The following ITPRID1 variants were observed in gnomAD, a reference collection of about 807,000 sequenced individuals.
The protein encoded by ITPRID1 is ITPR interacting domain containing 1.
A neutral mutation model predicts 95.4 loss-of-function variants in ITPRID1; 96 were observed. The observed-to-expected ratio is 1.01, with a 90% CI of 0.85 to 1.19. ITPRID1 has a LOEUF of 1.19. ITPRID1 is among the 50% of genes most tolerant of loss of function. ITPRID1 has a pLI of 0.00. For missense variants in ITPRID1, 1,339 were observed against 1,252.9 expected (o/e 1.07, Z -1.04); for synonymous variants, 510 against 453.6 (o/e 1.12, Z -1.58).
chr7:31,519,641 T>TATATATATAA (rs1783177014), intron 1 of ITPRID1, among the ~76,000 whole-genome samples: 1 of 133,520 alleles, frequency 7.5e-6, no homozygotes, highest in African/African-American at 2.8e-5. Flanking sequence ...TATATATATA[T>TATATATATAA]ATATAAATCT....
intron 10 of ITPRID1, among the ~76,000 whole-genome samples, chr7:31,609,191 T>C (rs748783995): frequency 3.3e-5 from 5 of 151,686 alleles, no homozygotes; most frequent in African/African-American, 4.8e-5. Context: ...TCATGGCATA[T>C]AATCCATTTT....
At chr7:31,565,643 C>T (rs569483146) in intron 5 of ITPRID1, among the ~76,000 whole-genome samples, 1 of 152,268 alleles carries the variant, frequency 6.6e-6, no homozygotes, top group East Asian at 1.9e-4. Context: ...GAGGCTGATG[C>T]AGGAGAATCA....
At position 31,550,832 on chromosome 7, in the gene ITPRID1, T is replaced by C. The variant is rs1250974711; in HGVS notation, c.-24+1333T>C. On this transcript the variant is annotated intron_variant, in intron 2 of 14. Transcript: ENST00000615280. ...CTGAGGTCAAGTATGCCATTCATTA[T>C]AAGATGGAAGTTTGGGGACGTACAA... 9.8e-5 allele frequency among the ~76,000 whole-genome samples: 14 copies of C among 143,062 alleles called. 1 individual carries two copies. The highest frequency in any genetic ancestry group is 3.4e-4 in the African/African-American group (14 of 40,668). The allele number at this position is 143,062 out of a possible 152,430, so 93.9% of individuals were successfully genotyped here.
intron 1 of ITPRID1, among the ~76,000 whole-genome samples, chr7:31,534,562 A>T (rs745422543): frequency 6.6e-6 from 1 of 151,934 alleles, no homozygotes; most frequent in Non-Finnish European, 1.5e-5. Flanking sequence ...ATCTTGTATT[A>T]TTGTAGCTAT....
Position 31,578,034 on chromosome 7 carries a change from T to G in ITPRID1, c.770T>G (p.Leu257Ter). ...CATCGAAGAAGAATGGGTAAACTCT[T>G]AAGGAGAGCTTCCAAACAGAACATC... Reference protein sequence around the residue: ...KEHRRRMGKLLRRASKQNIRR... With the variant: ...KEHRRRMGKL Residue 257 changes from leucine to a stop codon, truncating the protein, a stop_gained, in exon 9 of 15, where the codon TTA (leucine) becomes TGA (stop). Coordinates refer to ENST00000615280, the MANE Select transcript of ITPRID1 (RefSeq NM_001257967.3). LOFTEE classifies it high-confidence loss of function. 1.9e-6 allele frequency: 3 copies of G among 1,613,812 alleles called. No individual in the cohort carries two copies. Among genetic ancestry groups the G allele is most frequent in the Non-Finnish European group, 2.5e-6 (3 of 1,179,838 alleles).
In ITPRID1 at chr7:31,568,695, C is replaced by G. The variant is rs182721008; in HGVS notation, c.257-1063C>G. On this transcript the variant is annotated intron_variant, in intron 5 of 14. Coordinates refer to ENST00000615280, the MANE Select transcript of ITPRID1 (RefSeq NM_001257967.3). ...ATAACCAATATTTATTTCCTCTATT[C>G]TGTCTTCAGCACCGCTATCAGGCAA... Among the ~76,000 whole-genome samples, 540 of 152,310 alleles carry G rather than the reference C, an allele frequency of 3.5e-3. 1 individual carries two copies. The highest frequency in any genetic ancestry group is 0.012 in the African/African-American group (507 of 41,576).
intron 1 of ITPRID1, among the ~76,000 whole-genome samples, chr7:31,531,032 G>A (rs1783581063): frequency 6.6e-6 from 1 of 152,198 alleles, no homozygotes; most frequent in Non-Finnish European, 1.5e-5. Context: ...GTAGGTCTGG[G>A]AAAACTCCAG....
In ITPRID1 at chr7:31,602,965, G is replaced by C. The variant is rs7797726; in HGVS notation, c.1228+19774G>C. On this transcript the variant is annotated intron_variant, in intron 10 of 14. Transcript: ENST00000615280. The stretch of plus-strand genomic sequence containing the variant: ...TAGGAGCTCTGTCAAGCACAAACCT[G>C]TTTCTTCCATATATCACCCCCTCAT... Among the ~76,000 whole-genome samples, 225 of 142,866 alleles carry C rather than the reference G, an allele frequency of 1.6e-3. 1 individual carries two copies. Among genetic ancestry groups the C allele is most frequent in the African/African-American group, 5.5e-3 (209 of 37,912 alleles). The allele number at this position is 142,866 out of a possible 152,430, so 93.7% of individuals were successfully genotyped here. A position where few individuals can be genotyped will look rare whatever the true frequency, so the allele number is the denominator to read the frequency against.
rs114046139 is a variant in ITPRID1 at position 31,522,208 on chromosome 7, C to T, written c.-98+8088C>T. On this transcript the variant is annotated intron_variant, in intron 1 of 14. Transcript: ENST00000615280. ...GATCCAGCCAATGGGTCTGACTCTA[C>T]CTATGTTTCTTCCACAGACCCACGA... Among the ~76,000 whole-genome samples the T allele has an allele frequency of 2.6e-3, 396 of 152,244 alleles. 1 individual carries two copies. Among genetic ancestry groups the T allele is most frequent in the African/African-American group, 8.9e-3 (368 of 41,538 alleles).
chr7:31,602,886 C>G (rs1334080275), intron 10 of ITPRID1, among the ~76,000 whole-genome samples: 1 of 151,520 alleles, frequency 6.6e-6, no homozygotes, highest in Non-Finnish European at 1.5e-5. Context: ...CTCCCCACCC[C>G]CTCCCCTTTA....
chr7:31,539,463 A>G (rs1487547395), intron 1 of ITPRID1, among the ~76,000 whole-genome samples: 1 of 152,190 alleles, frequency 6.6e-6, no homozygotes, highest in African/African-American at 2.4e-5. Flanking sequence ...TACAGATGTG[A>G]GGCACTGCAC....
chr7:31,658,615 C>T (rs549440492), downstream of ITPRID1: 23 of 273,344 alleles, frequency 8.4e-5, no homozygotes, highest in Non-Finnish European at 1.3e-4. Flanking sequence ...TTATTAAAAG[C>T]CTTGTTAAAT....
intron 10 of ITPRID1, among the ~76,000 whole-genome samples, chr7:31,594,974 T>C (rs1044216625): frequency 6.6e-6 from 1 of 151,674 alleles, no homozygotes; most frequent in Admixed American, 6.6e-5. Context: ...ATGTACTCAA[T>C]AGAAAAATAT....
intron 10 of ITPRID1, among the ~76,000 whole-genome samples, chr7:31,604,864 G>A (rs1003713175): frequency 2.6e-5 from 4 of 152,136 alleles, no homozygotes; most frequent in African/African-American, 9.7e-5. Context: ...AGCCAGGCAG[G>A]GTGCCTCATG....
intron 13 of ITPRID1, among the ~76,000 whole-genome samples, chr7:31,651,565 T>A (rs1319003072): frequency 6.6e-6 from 1 of 152,090 alleles, no homozygotes; most frequent in Non-Finnish European, 1.5e-5. Context: ...GTGGGAGTTA[T>A]GAGAGTTTTG....
intron 1 of ITPRID1, among the ~76,000 whole-genome samples, chr7:31,528,855 A>G (rs1038423767): frequency 5.9e-5 from 9 of 152,170 alleles, no homozygotes; most frequent in African/African-American, 1.9e-4. Flanking sequence ...AAGATCTTTT[A>G]CATCATTTTA....
chr7:31,538,674 A>T (rs968619331), intron 1 of ITPRID1, among the ~76,000 whole-genome samples: 1 of 152,220 alleles, frequency 6.6e-6, no homozygotes, highest in Non-Finnish European at 1.5e-5. Flanking sequence ...TTCATTTATT[A>T]AAACATGGAA....
chr7:31,570,643 AC>A (rs1160061239), intron 6 of ITPRID1, among the ~76,000 whole-genome samples: 1 of 152,176 alleles, frequency 6.6e-6, no homozygotes, highest in Non-Finnish European at 1.5e-5. Flanking sequence ...GCTATAAAAG[AC>A]CACAGAAATC....
intron 1 of ITPRID1, chr7:31,517,518 T>C (rs112408760): frequency 6.5e-6 from 1 of 153,284 alleles, no homozygotes; most frequent in African/African-American, 2.4e-5. Context: ...AGACCCATCA[T>C]TGTGGCCAAC....
Sources: gnomAD v4.1 joint callset for allele counts (sites outside exome capture counted in the v4.1 genomes callset) on GRCh38, gnomAD v4.1.1 for gene constraint, MANE v1.5 for transcripts, NCBI Gene and HGNC (gene_info 2026-07-23, HGNC 2026-07-21) for gene names.